The following WDR70 variants were observed in gnomAD, a reference collection of about 807,000 sequenced individuals.
The protein encoded by WDR70 is WD repeat-containing protein 70.
In WDR70, 53 loss-of-function variants were observed where a neutral mutation model predicts 88.6. That is an observed-to-expected ratio of 0.60 (90% CI 0.48 to 0.75). WDR70 has a LOEUF of 0.75. Ranked by LOEUF, WDR70 falls within the 30% of genes least tolerant of loss-of-function variation. The pLI, the probability that WDR70 is intolerant of heterozygous loss-of-function variation, is 0.00. For missense variants in WDR70, 610 were observed against 823.2 expected, an observed-to-expected ratio of 0.74 and a Z score of 3.17; for synonymous variants, 280 against 270.0, an observed-to-expected ratio of 1.04 and a Z score of -0.36.
intron 8 of WDR70, among the ~76,000 whole-genome samples, chr5:37,499,321 C>T (rs1166688165): frequency 5.9e-5 from 9 of 151,804 alleles, no homozygotes; most frequent in African/African-American, 1.9e-4. Context: ...ACCATGTTGG[C>T]CAGGCTGGTC....
intron 13 of WDR70, among the ~76,000 whole-genome samples, chr5:37,718,975 G>T (rs1278813909): frequency 1.3e-5 from 2 of 152,200 alleles, no homozygotes; most frequent in Non-Finnish European, 2.9e-5. Context: ...AGACTAAGGG[G>T]AGTTCTGGGG....
intron 10 of WDR70, 64 bp downstream of exon 10, chr5:37,605,302 ACAAAGACAAACGTGTTAAAGT>A: frequency 6.7e-7 from 1 of 1,487,638 alleles, no homozygotes; most frequent in Non-Finnish European, 9.0e-7. Flanking sequence ...TGGCCACCTT[ACAAAGACAAACGTGTTAAAGT>A]ATTATGAAGG....
rs187539181 is a variant in WDR70 at position 37,620,768 on chromosome 5, T to G, written c.1092+15530T>G. On this transcript the variant is annotated intron_variant, in intron 10 of 17. Transcript: ENST00000265107. ...ATATAATTTGATCTTTTCAGAGGCC[T>G]TGTGAGATAGGCAAGGCTAATATTA... Among the ~76,000 whole-genome samples the G allele has an allele frequency of 2.0e-4, 31 of 152,256 alleles. 1 individual carries two copies. Among genetic ancestry groups the G allele is most frequent in the Admixed American group, 1.6e-3 (24 of 15,280 alleles).
At chr5:37,593,211 G>T (rs1235747447) in intron 9 of WDR70, among the ~76,000 whole-genome samples, 4 of 152,076 alleles carry the variant, frequency 2.6e-5, no homozygotes, top group Non-Finnish European at 5.9e-5. Context: ...ACAACGTGCA[G>T]GTTTGTTACA....
At chr5:37,537,045 A>G (rs558261191) in intron 9 of WDR70, among the ~76,000 whole-genome samples, 5 of 152,334 alleles carry the variant, frequency 3.3e-5, no homozygotes, top group African/African-American at 1.2e-4. Context: ...CTCTAAGGTC[A>G]TCTAACAATT....
chr5:37,546,746 C>T (rs192229413), intron 9 of WDR70, among the ~76,000 whole-genome samples: 89 of 152,108 alleles, frequency 5.9e-4, no homozygotes, highest in Admixed American at 1.6e-3. Flanking sequence ...TAGTGAAACC[C>T]CGTCTCTACT....
At chr5:37,474,739 A>G (rs62361485) in intron 7 of WDR70, among the ~76,000 whole-genome samples, 8 of 151,700 alleles carry the variant, frequency 5.3e-5, no homozygotes, top group African/African-American at 2.4e-5. Flanking sequence ...CCAGGCCCCA[A>G]TGTGTGTTGT....
chr5:37,592,428 A>C (rs1743558858), intron 9 of WDR70, among the ~76,000 whole-genome samples: 1 of 114,878 alleles, frequency 8.7e-6, no homozygotes, highest in Non-Finnish European at 1.8e-5. Context: ...TAAGTACTTA[A>C]CTGAAAAATA....
chr5:37,466,522 T>C (rs1429834895), intron 7 of WDR70, among the ~76,000 whole-genome samples: 3 of 151,502 alleles, frequency 2.0e-5, no homozygotes, highest in African/African-American at 4.8e-5. Context: ...CTTACTAAGA[T>C]GGTGAAACCC....
intron 10 of WDR70, among the ~76,000 whole-genome samples, chr5:37,669,392 CT>C (rs74326452): frequency 0.028 from 2,918 of 105,178 alleles, 58 homozygotes; most frequent in African/African-American, 0.091. Flanking sequence ...ACATAATTAT[CT>C]TTTTTTTAAA....
At chr5:37,403,748 T>C (rs1301103022) in intron 5 of WDR70, among the ~76,000 whole-genome samples, 1 of 151,954 alleles carries the variant, frequency 6.6e-6, no homozygotes, top group East Asian at 1.9e-4. Flanking sequence ...AAAGATGGGG[T>C]CTTGTTTCAA....
intron 5 of WDR70, among the ~76,000 whole-genome samples, chr5:37,410,300 A>G (rs550146836): frequency 5.3e-5 from 8 of 151,392 alleles, no homozygotes; most frequent in African/African-American, 1.9e-4. Context: ...TGGCCTCCCA[A>G]AGTGCTGGGA....
intron 10 of WDR70, among the ~76,000 whole-genome samples, chr5:37,621,282 T>A (rs1447873321): frequency 6.6e-6 from 1 of 152,166 alleles, no homozygotes; most frequent in African/African-American, 2.4e-5. Context: ...TAGAAATGAT[T>A]TTATTTAAAT....
chr5:37,450,955 A>G lies in WDR70; in HGVS notation c.686+7583A>G, dbSNP rs530965566. On this transcript the variant is annotated intron_variant, in intron 7 of 17. Transcript: ENST00000265107. ...CTCTTGTTGCCCAGGCTGGAGTGCA[A>G]TGGCGTGATCTCGGCTCACCGCAAC... Among the ~76,000 whole-genome samples the G allele has an allele frequency of 2.0e-5, 3 of 152,000 alleles. No individual in the cohort carries two copies. The East Asian group carries it at 5.8e-4, about 29-fold the overall frequency.
At chr5:37,699,231 G>A (rs1210656729) in intron 11 of WDR70, among the ~76,000 whole-genome samples, 2 of 151,844 alleles carry the variant, frequency 1.3e-5, no homozygotes, top group Non-Finnish European at 2.9e-5. Context: ...TTACTCAACT[G>A]AGTAATTACC....
Position 37,479,843 on chromosome 5 carries a change from C to T in WDR70, c.696C>T (p.Ile232=). The T allele has an allele frequency of 6.2e-7, 1 of 1,611,450 alleles. No homozygotes were observed. The highest frequency in any genetic ancestry group is 8.5e-7 in the Non-Finnish European group (1 of 1,179,170). The change falls in exon 8 of 18, where the codon ATC becomes ATT. Residue 232 remains isoleucine, a synonymous_variant. Transcript: ENST00000265107. The stretch of plus-strand genomic sequence containing the variant: ...TTTTCTTTTCGTACAGCCATCAGAT[C>T]AAGTCATTACAGTATAGTAACACAG... ...RSLQPCECHQ[I]KSLQYSNTGD... is the part of the protein sequence containing the mutation.
Position 37,641,857 on chromosome 5 carries a change from A to G in WDR70, c.1092+36619A>G, listed in dbSNP as rs1745112305. 1.3e-5 allele frequency among the ~76,000 whole-genome samples: 2 copies of G among 152,088 alleles called. 1 individual carries two copies. The highest frequency in any genetic ancestry group is 4.1e-4 in the South Asian group (2 of 4,824). On this transcript the variant is annotated intron_variant, in intron 10 of 17. Coordinates refer to ENST00000265107, the MANE Select transcript of WDR70 (RefSeq NM_018034.4). Reference sequence around the variant, plus strand: ...AAACACTTACTTTTGCATACTGATTATTTTTCTGTAGTAGCATATTTTATA... The same window carrying G: ...AAACACTTACTTTTGCATACTGATTGTTTTTCTGTAGTAGCATATTTTATA...
intron 17 of WDR70, among the ~76,000 whole-genome samples, chr5:37,750,502 C>G (rs1748774055): frequency 6.6e-6 from 1 of 152,158 alleles, no homozygotes; most frequent in Admixed American, 6.5e-5. Flanking sequence ...CCACTGCACT[C>G]TAGCCTAGGT....
chr5:37,654,444 A>G (rs899455250), intron 10 of WDR70, among the ~76,000 whole-genome samples: 3 of 152,146 alleles, frequency 2.0e-5, no homozygotes, highest in Non-Finnish European at 4.4e-5. Context: ...AGAGTTCTGT[A>G]GATGTCTATT....
Sources: gnomAD v4.1 joint callset for allele counts (sites outside exome capture counted in the v4.1 genomes callset) on GRCh38, gnomAD v4.1.1 for gene constraint, MANE v1.5 for transcripts, NCBI Gene and HGNC (gene_info 2026-07-23, HGNC 2026-07-21) for gene names.